Variants in CADM2 observed in about 807,000 individuals in gnomAD.
The protein encoded by CADM2 is cell adhesion molecule 2.
Under a neutral mutation model 49.8 loss-of-function variants are expected in CADM2, and 12 were observed. That is an observed-to-expected ratio of 0.24 (90% CI 0.15 to 0.39). The LOEUF (loss-of-function observed/expected upper bound fraction) is 0.39. Among genes scored for constraint, CADM2 ranks in the 10% least tolerant of loss-of-function variants. The pLI is 1.00. For synonymous variants in CADM2, 214 were observed against 175.4 expected (o/e 1.22, Z -1.74); for missense variants, 378 against 492.3 (o/e 0.77, Z 2.20).
intron 1 of CADM2, among the ~76,000 whole-genome samples, chr3:85,677,963 A>G (rs922501654): frequency 1.3e-5 from 2 of 152,244 alleles, no homozygotes; most frequent in Non-Finnish European, 2.9e-5. Flanking sequence ...TATAAAAACC[A>G]TGATTTACTA....
intron 1 of CADM2, among the ~76,000 whole-genome samples, chr3:85,337,509 G>T (rs1422379675): frequency 6.6e-6 from 1 of 151,280 alleles, no homozygotes; most frequent in Non-Finnish European, 1.5e-5. Flanking sequence ...GCATAACTTA[G>T]TTACCCTTTC....
At chr3:85,678,707 G>T (rs143585517) in intron 1 of CADM2, among the ~76,000 whole-genome samples, 2,679 of 152,176 alleles carry the variant, frequency 0.018, 48 homozygotes, top group Non-Finnish European at 0.028. Flanking sequence ...CGTAATATTG[G>T]CAAACACAAA....
At chr3:85,584,052 TG>T (rs1311661359) in intron 1 of CADM2, among the ~76,000 whole-genome samples, 3 of 152,210 alleles carry the variant, frequency 2.0e-5, no homozygotes, top group East Asian at 1.9e-4. Flanking sequence ...TTTGTCATAT[TG>T]TTAAAATTAT....
chr3:85,708,424 G>C (rs140769522), intron 1 of CADM2, among the ~76,000 whole-genome samples: 6,502 of 151,942 alleles, frequency 0.043, 473 homozygotes, highest in African/African-American at 0.15. Context: ...TGGGAGTCAG[G>C]GTATTGCACC....
chr3:85,835,641 C>T (rs1014020089), intron 3 of CADM2, among the ~76,000 whole-genome samples: 1 of 150,340 alleles, frequency 6.7e-6, no homozygotes, highest in Non-Finnish European at 1.5e-5. Context: ...AGAAAAGAAA[C>T]ATGCACTTTA....
intron 1 of CADM2, among the ~76,000 whole-genome samples, chr3:85,586,494 G>T (rs1159618376): frequency 4.6e-5 from 7 of 152,108 alleles, no homozygotes; most frequent in Admixed American, 4.6e-4. Context: ...TAATACAGTT[G>T]CTATTTCCCA....
At chr3:85,491,998 A>G (rs2039696836) in intron 1 of CADM2, among the ~76,000 whole-genome samples, 2 of 151,802 alleles carry the variant, frequency 1.3e-5, no homozygotes, top group African/African-American at 4.8e-5. Context: ...TCTGTAAGGG[A>G]AAAGATACAC....
rs543124550 is a variant in CADM2, at chr3:85,079,989, A to C, written c.61+120321A>C. ...GGAAACCAAAAAATGAAAAAGGAAA[A>C]CACAAAATAAACTTTAGAGGTAATA... On this transcript the variant is annotated intron_variant, in intron 1 of 9. Transcript: ENST00000383699. Among the ~76,000 whole-genome samples the C allele has an allele frequency of 1.4e-4, 22 of 152,128 alleles. 1 individual carries two copies. The highest frequency in any genetic ancestry group is 5.1e-4 in the African/African-American group (21 of 41,572).
intron 7 of CADM2, among the ~76,000 whole-genome samples, chr3:85,961,012 A>G (rs1240545417): frequency 1.5e-5 from 2 of 135,580 alleles, no homozygotes; most frequent in African/African-American, 5.8e-5. Flanking sequence ...ATTCATTATT[A>G]TTATATATAT....
At chr3:85,784,610 T>C (rs1008963182) in intron 2 of CADM2, among the ~76,000 whole-genome samples, 6 of 152,248 alleles carry the variant, frequency 3.9e-5, no homozygotes, top group Non-Finnish European at 7.4e-5. Flanking sequence ...TGTTAAAGCA[T>C]ATGAGACTAG....
intron 1 of CADM2, among the ~76,000 whole-genome samples, chr3:85,585,095 G>A (rs764508419): frequency 3.3e-5 from 5 of 151,938 alleles, no homozygotes; most frequent in African/African-American, 4.8e-5. Context: ...TCTGAGCAGC[G>A]TAATGGAATC....
intron 1 of CADM2, among the ~76,000 whole-genome samples, chr3:85,654,943 A>G (rs2065152126): frequency 6.6e-6 from 1 of 152,206 alleles, no homozygotes; most frequent in South Asian, 2.1e-4. Context: ...AAAAACTTAG[A>G]TATAATTAAT....
At chr3:86,014,407 T>A (rs1368701766) in intron 8 of CADM2, 2 of 1,476,282 alleles carry the variant, frequency 1.4e-6, no homozygotes, top group Non-Finnish European at 1.8e-6. Flanking sequence ...CTCAACGAAG[T>A]GATGGAAAAT....
At chr3:85,964,541 T>C (rs1725238816) in intron 8 of CADM2, among the ~76,000 whole-genome samples, 1 of 151,844 alleles carries the variant, frequency 6.6e-6, no homozygotes, top group Admixed American at 6.6e-5. Context: ...ACCACTGACA[T>C]TTTGTGTTAG....
At chr3:85,450,328 GTTTA>G (rs911671355) in intron 1 of CADM2, among the ~76,000 whole-genome samples, 19 of 151,984 alleles carry the variant, frequency 1.3e-4, no homozygotes, top group Non-Finnish European at 2.2e-4. Context: ...CTAGGGGAAA[GTTTA>G]TTTATTTCCA....
At chr3:85,178,765 T>C (rs1163434815) in intron 1 of CADM2, among the ~76,000 whole-genome samples, 1 of 151,702 alleles carries the variant, frequency 6.6e-6, no homozygotes, top group African/African-American at 2.4e-5. Context: ...TCTTAAGTTA[T>C]AAAAAATGTA....
chr3:85,204,000 T>G lies in CADM2; in HGVS notation c.61+244332T>G, dbSNP rs190088353. 2.0e-3 allele frequency among the ~76,000 whole-genome samples: 305 copies of G among 152,312 alleles called. 6 individuals carry two copies. Among genetic ancestry groups the G allele is most frequent in the Admixed American group, 0.017 (260 of 15,294 alleles). ...AAGTTTTGATACTTTCACTGAAATT[T>G]AGCAATATGATTTTGAAACAACTTG... On this transcript the variant is annotated intron_variant, in intron 1 of 9. Transcript: ENST00000383699.
At chr3:85,225,254 G>T (rs2042131340) in intron 1 of CADM2, among the ~76,000 whole-genome samples, 2 of 152,098 alleles carry the variant, frequency 1.3e-5, no homozygotes, top group Non-Finnish European at 2.9e-5. Flanking sequence ...TCTTCCGTTT[G>T]TATGTCTCCT....
intron 8 of CADM2, chr3:86,015,137 T>C (rs1732050881): frequency 3.9e-6 from 2 of 510,270 alleles, no homozygotes; most frequent in Non-Finnish European, 7.0e-6. Flanking sequence ...GTTTTAAAAA[T>C]AGGCCTTCTT....
Sources: gnomAD v4.1 joint callset for allele counts (sites outside exome capture counted in the v4.1 genomes callset) on GRCh38, gnomAD v4.1.1 for gene constraint, MANE v1.5 for transcripts, NCBI Gene and HGNC (gene_info 2026-07-23, HGNC 2026-07-21) for gene names.